Variants in OR2M2 observed in about 807,000 individuals in gnomAD.
OR2M2 encodes olfactory receptor family 2 subfamily M member 2.
For missense variants in OR2M2, 467 were observed against 429.9 expected, an observed-to-expected ratio of 1.09 and a Z score of -0.76; for synonymous variants, 168 against 151.7, an observed-to-expected ratio of 1.11 and a Z score of -0.79.
At chr1:248,177,918 A>G (rs12728529) in intron 1 of OR2M2, 2 of 152,062 alleles carry the variant, frequency 1.3e-5, no homozygotes, top group Admixed American at 6.6e-5. Context: ...TTTCTTTTAG[A>G]GATTGCTATT....
chr1:248,179,101 C>T (rs1021200382), intron 1 of OR2M2, among the ~76,000 whole-genome samples: 2 of 152,102 alleles, frequency 1.3e-5, no homozygotes, highest in Non-Finnish European at 2.9e-5. Flanking sequence ...ATTCCTCTCT[C>T]CCAGGTTCCT....
At chr1:248,177,397 G>A (rs1572779503) in intron 1 of OR2M2, among the ~76,000 whole-genome samples, 1 of 152,144 alleles carries the variant, frequency 6.6e-6, no homozygotes, top group South Asian at 2.1e-4. Flanking sequence ...AGATATATAG[G>A]TATAAGCTAA....
chr1:248,179,440 C>T (rs1332036283), intron 1 of OR2M2, among the ~76,000 whole-genome samples: 3 of 152,170 alleles, frequency 2.0e-5, no homozygotes, highest in Admixed American at 1.3e-4. Context: ...ATCCACTTAC[C>T]ATATACAACA....
At chr1:248,179,305 G>T (rs141247506) in intron 1 of OR2M2, among the ~76,000 whole-genome samples, 2 of 152,084 alleles carry the variant, frequency 1.3e-5, no homozygotes, top group South Asian at 2.1e-4. Context: ...CCGTCTTTAC[G>T]TATTTCCAAA....
Position 248,179,989 on chromosome 1 carries a change from G to C in OR2M2, c.4G>C (p.Ala2Pro). 6.2e-7 allele frequency: 1 copy of C among 1,610,374 alleles called. No homozygotes were observed. Among genetic ancestry groups the C allele is most frequent in the Non-Finnish European group, 8.5e-7 (1 of 1,177,928 alleles). Residue 2 changes from alanine (A) to proline (P), a missense_variant, in exon 2 of 2, where the codon GCA becomes CCA. By Grantham distance (27) the Ala-to-Pro change is conservative (BLOSUM62 -1). Transcript: ENST00000641836. MAWENQTFNSDF... is the reference protein window; with the variant it reads MPWENQTFNSDF... ...CTAGGTAAAAAGCACATTCATCATG[G>C]CATGGGAGAATCAGACCTTCAACTC...
chr1:248,175,764 A>C (rs1012546345), intron 1 of OR2M2, among the ~76,000 whole-genome samples: 3 of 152,060 alleles, frequency 2.0e-5, no homozygotes, highest in Non-Finnish European at 2.9e-5. Flanking sequence ...AAACAATTTA[A>C]CTCTCTCTGA....
At chr1:248,179,124 A>G (rs1339680344) in intron 1 of OR2M2, among the ~76,000 whole-genome samples, 1 of 152,120 alleles carries the variant, frequency 6.6e-6, no homozygotes, top group Non-Finnish European at 1.5e-5. Flanking sequence ...GATAACTAAC[A>G]GTTGTTGGCA....
rs142363839 is a variant in OR2M2 at position 248,180,624 on chromosome 1, C to T, written c.639C>T (p.Ile213=). 1.2e-4 allele frequency: 186 copies of T among 1,612,640 alleles called. No homozygotes were observed. In the African/African-American group the frequency reaches 2.3e-3, roughly 20 times the overall value. ...TAATGCTTGTTTTCCCTGTTGCAAT[C>T]ATCATTGCTTCCTATGCTCGAGTTA... The part of the protein sequence containing the change: ...CIVMLVFPVA[I]IIASYARVIL... The change falls in exon 2 of 2, where the codon ATC becomes ATT. Residue 213 remains isoleucine (I), a synonymous_variant. Coordinates refer to ENST00000641836, the MANE Select transcript of OR2M2 (RefSeq NM_001004688.2).
In OR2M2 at chr1:248,180,863, G is replaced by A. The variant is rs758856171; in HGVS notation, c.878G>A (p.Arg293His). The A allele has an allele frequency of 8.9e-5, 143 of 1,613,884 alleles. No homozygotes were observed. The highest frequency in any genetic ancestry group is 1.6e-4 in the Middle Eastern group (1 of 6,084). Residue 293 changes from arginine to histidine, a missense_variant, in exon 2 of 2, where the codon CGC becomes CAC. Arg to His is a conservative substitution (Grantham distance 29). Transcript: ENST00000641836. ...PMLNPLIYSL[R>H]NKEVTRAFMK... is the part of the protein sequence containing the mutation. ...CTGAATCCCCTCATCTACAGCCTCC[G>A]CAACAAGGAGGTGACTAGAGCATTC...
chr1:248,180,691 A>G lies in OR2M2; in HGVS notation c.706A>G (p.Lys236Glu). ...CATGGGATCTGGAGAGGGTCGTTGC[A>G]AAGCTTTCACGACCTGTTCCTCTCA... ...IHMGSGEGRC[K>E]AFTTCSSHLM... Residue 236 changes from lysine to glutamate, a missense_variant, in exon 2 of 2, where the codon AAA becomes GAA. Transcript: ENST00000641836. 1.2e-6 allele frequency: 2 copies of G among 1,612,682 alleles called. No individual in the cohort carries two copies. Among genetic ancestry groups the G allele is most frequent in the Non-Finnish European group, 1.7e-6 (2 of 1,179,844 alleles).
At chr1:248,178,121 T>C (rs1572779795) in intron 1 of OR2M2, 2 of 152,202 alleles carry the variant, frequency 1.3e-5, no homozygotes, top group African/African-American at 4.8e-5. Context: ...CTCAAAGAGG[T>C]ATACTTTACT....
chr1:248,179,749 A>G (rs559127509), intron 1 of OR2M2, among the ~76,000 whole-genome samples: 3 of 152,310 alleles, frequency 2.0e-5, no homozygotes, highest in East Asian at 3.9e-4. Flanking sequence ...TTGAAAAAGG[A>G]TGCCCAGAAT....
At chr1:248,176,121 A>G (rs7548338) in intron 1 of OR2M2, among the ~76,000 whole-genome samples, 8,181 of 152,194 alleles carry the variant, frequency 0.054, 763 homozygotes, top group African/African-American at 0.19. Context: ...TGGATTACAC[A>G]GCGGATTACA....
At chr1:248,175,574 C>T (rs1199325856) in intron 1 of OR2M2, among the ~76,000 whole-genome samples, 6 of 152,002 alleles carry the variant, frequency 3.9e-5, no homozygotes, top group Non-Finnish European at 4.4e-5. Flanking sequence ...CCAAGCATTT[C>T]GGATAAGGAA....
intron 1 of OR2M2, among the ~76,000 whole-genome samples, chr1:248,177,551 A>G (rs565259795): frequency 1.3e-5 from 2 of 152,258 alleles, no homozygotes; most frequent in African/African-American, 4.8e-5. Flanking sequence ...TGGGAAAGCT[A>G]TGGTACGATG....
chr1:248,178,444 A>T lies in OR2M2; in HGVS notation c.-18-1524A>T, dbSNP rs149828317. 2.7e-3 allele frequency among the ~76,000 whole-genome samples: 416 copies of T among 152,298 alleles called. 1 individual carries two copies. The highest frequency in any genetic ancestry group is 9.3e-3 in the African/African-American group (387 of 41,548). ...TACGATAAAAACTAAATGCCACAAC[A>T]TACAAGCAACATACCTTAAATTAGA... is the stretch of plus-strand genomic sequence containing the variant. On this transcript the variant is annotated intron_variant, in intron 1 of 1. Transcript: ENST00000641836.
At chr1:248,179,031 A>G (rs1665886180) in intron 1 of OR2M2, among the ~76,000 whole-genome samples, 1 of 152,198 alleles carries the variant, frequency 6.6e-6, no homozygotes, top group African/African-American at 2.4e-5. Context: ...CAGAAATCTG[A>G]AATCAAGATG....
chr1:248,178,597 A>G (rs547603082), intron 1 of OR2M2, among the ~76,000 whole-genome samples: 110 of 152,058 alleles, frequency 7.2e-4, no homozygotes, highest in African/African-American at 2.6e-3. Flanking sequence ...TCTCTTTCTC[A>G]CCTCCTCAGA....
intron 1 of OR2M2, among the ~76,000 whole-genome samples, chr1:248,177,666 C>T (rs1665869787): frequency 6.6e-6 from 1 of 151,892 alleles, no homozygotes; most frequent in African/African-American, 2.4e-5. Context: ...AAGTTTTTTC[C>T]CCTGATTGAC....
Sources: allele counts gnomAD v4.1 joint callset (sites outside exome capture counted in the v4.1 genomes callset), GRCh38; gene constraint gnomAD v4.1.1; transcripts MANE v1.5; gene names NCBI Gene and HGNC (gene_info 2026-07-23, HGNC 2026-07-21).